HHIP: variants seen among roughly 807,000 people sequenced by gnomAD.
HHIP encodes the protein hedgehog-interacting protein.
In HHIP, 12 loss-of-function variants were observed where a neutral mutation model predicts 74.0. The observed-to-expected ratio is 0.16, with a 90% CI of 0.10 to 0.26. The LOEUF is 0.26. Ranked by LOEUF, HHIP falls within the 10% of genes least tolerant of loss-of-function variation. The pLI is 1.00. For missense variants in HHIP, 788 were observed against 845.0 expected (o/e 0.93, Z 0.84); for synonymous variants, 309 against 311.6 (o/e 0.99, Z 0.09).
chr4:144,688,992 C>T (rs1729569716), intron 4 of HHIP, among the ~76,000 whole-genome samples: 1 of 152,144 alleles, frequency 6.6e-6, no homozygotes, highest in Non-Finnish European at 1.5e-5. Flanking sequence ...GACACTGAAA[C>T]CATTTCAGTC....
Position 144,738,203 on chromosome 4 carries a change from T to C in HHIP, c.*246T>C. 9.3e-7 allele frequency: 1 copy of C among 1,079,528 alleles called. No homozygotes were observed. The highest frequency in any genetic ancestry group is 1.1e-6 in the Non-Finnish European group (1 of 889,800). The allele number at this position is 1,079,528 out of a possible 1,614,324, so 66.9% of individuals were successfully genotyped here. On this transcript the variant is annotated 3_prime_UTR_variant, in exon 13 of 13. Coordinates refer to ENST00000296575, the MANE Select transcript of HHIP (RefSeq NM_022475.3). ...ATAACAGATGATTTTTTAAAATATATACTTCCTTATGCAAAGTAATTTACA... is the reference window on the plus strand; with the variant it reads ...ATAACAGATGATTTTTTAAAATATACACTTCCTTATGCAAAGTAATTTACA...
At chr4:144,720,648 G>A (rs1287247631) in intron 11 of HHIP, among the ~76,000 whole-genome samples, 1 of 152,030 alleles carries the variant, frequency 6.6e-6, no homozygotes, top group Non-Finnish European at 1.5e-5. Flanking sequence ...TATGGTGCCT[G>A]TTTCTGGTGA....
At position 144,733,819 on chromosome 4, in the gene HHIP, C is replaced by T. The variant is rs137874231; in HGVS notation, c.1761-922C>T. Among the ~76,000 whole-genome samples the T allele has an allele frequency of 2.2e-3, 335 of 152,188 alleles. 3 individuals are homozygous for T. Among genetic ancestry groups the T allele is most frequent in the African/African-American group, 7.7e-3 (319 of 41,522 alleles). The stretch of plus-strand genomic sequence containing the variant: ...AGATTAGGTAATGAGCAGTTGTGAC[C>T]ATGACTCCAGCCTGACCCAGCTCAA... On this transcript the variant is annotated intron_variant, in intron 11 of 12. Transcript: ENST00000296575.
intron 7 of HHIP, among the ~76,000 whole-genome samples, chr4:144,709,522 C>T (rs973762089): frequency 2.0e-5 from 3 of 152,192 alleles, no homozygotes; most frequent in Admixed American, 2.0e-4. Context: ...CGGAGCCTCC[C>T]CACCTCTGGT....
chr4:144,668,468 G>A (rs780733708), intron 4 of HHIP, among the ~76,000 whole-genome samples: 2 of 151,190 alleles, frequency 1.3e-5, no homozygotes, highest in African/African-American at 4.9e-5. Context: ...GAATACATAA[G>A]TGGGGCCGCT....
chr4:144,648,986 G>A (rs1401758368), intron 1 of HHIP, among the ~76,000 whole-genome samples: 2 of 152,030 alleles, frequency 1.3e-5, no homozygotes, highest in Non-Finnish European at 2.9e-5. Context: ...TATTACAAGA[G>A]GTTTATAAAT....
At chr4:144,714,767 TATA>T (rs1416485339) in intron 9 of HHIP, among the ~76,000 whole-genome samples, 10 of 152,210 alleles carry the variant, frequency 6.6e-5, no homozygotes, top group Non-Finnish European at 2.9e-5. Context: ...AGCGAGATAA[TATA>T]ATTTGTCTCT....
chr4:144,703,033 A>G (rs1464188422), intron 4 of HHIP, among the ~76,000 whole-genome samples: 1 of 152,150 alleles, frequency 6.6e-6, no homozygotes, highest in East Asian at 1.9e-4. Flanking sequence ...CCTGGCCAAC[A>G]TGGTGAAACC....
chr4:144,678,396 T>A (rs1019428912), intron 4 of HHIP, among the ~76,000 whole-genome samples: 5 of 152,166 alleles, frequency 3.3e-5, no homozygotes, highest in Non-Finnish European at 4.4e-5. Flanking sequence ...TATGACTTTT[T>A]TTATTATTAT....
Position 144,737,750 on chromosome 4 carries a change from T to C in HHIP, c.1910-14T>C. 1 of 1,585,674 alleles carries C rather than the reference T, an allele frequency of 6.3e-7. No individual in the cohort carries two copies. Among genetic ancestry groups the C allele is most frequent in the Non-Finnish European group, 8.6e-7 (1 of 1,163,468 alleles). On this transcript the variant is annotated splice_polypyrimidine_tract_variant and intron_variant, in intron 12 of 12. Coordinates refer to ENST00000296575, the MANE Select transcript of HHIP (RefSeq NM_022475.3). ...GAATGAGAGTGTGATGTTCTTGCTC[T>C]TTTTCTCTCCCAGCAAAATGTGAGC...
chr4:144,671,306 T>C (rs896721643), intron 4 of HHIP, among the ~76,000 whole-genome samples: 3 of 141,590 alleles, frequency 2.1e-5, no homozygotes, highest in African/African-American at 7.9e-5. Context: ...TGTCTCCTCG[T>C]CCAAGGAGGG....
At chr4:144,690,083 C>G (rs1729603949) in intron 4 of HHIP, among the ~76,000 whole-genome samples, 1 of 152,172 alleles carries the variant, frequency 6.6e-6, no homozygotes, top group Non-Finnish European at 1.5e-5. Context: ...ACTGGGATTA[C>G]AGGCGGGTAA....
Position 144,692,403 on chromosome 4 carries a change from C to G in HHIP, c.832-14128C>G, listed in dbSNP as rs962081625. 5.9e-5 allele frequency among the ~76,000 whole-genome samples: 9 copies of G among 152,300 alleles called. No individual in the cohort carries two copies. In the East Asian group the frequency reaches 1.5e-3, roughly 26 times the overall value. ...ATTTCTGTACTCTTCTCTTCCATTT[C>G]TCTTTTTCCCGAAGAATCATACTCA... On this transcript the variant is annotated intron_variant, in intron 4 of 12. Transcript: ENST00000296575.
Position 144,725,663 on chromosome 4 carries a change from C to CGTGT in HHIP, c.1760+6724_1760+6727dup, listed in dbSNP as rs113672793. ...TTTATTCTGTGGGTGTGTGCGCGTG[C>CGTGT]GTGTGTGTGTGTGTGTGTGTTTGAG... On this transcript the variant is annotated intron_variant, in intron 11 of 12. Transcript: ENST00000296575. 3.9e-3 allele frequency among the ~76,000 whole-genome samples: 566 copies of CGTGT among 144,580 alleles called. 7 individuals are homozygous for CGTGT. The highest frequency in any genetic ancestry group is 0.013 in the African/African-American group (522 of 40,050). The allele number at this position is 144,580 out of a possible 152,430, so 94.9% of individuals were successfully genotyped here.
chr4:144,671,312 G>A (rs1300363553), intron 4 of HHIP, among the ~76,000 whole-genome samples: 1 of 126,908 alleles, frequency 7.9e-6, no homozygotes, highest in Non-Finnish European at 1.7e-5. Context: ...CTCGTCCAAG[G>A]AGGGTGTTTT....
In HHIP at chr4:144,662,946, T is replaced by G. The variant is rs17019610; in HGVS notation, c.831+3108T>G. Among the ~76,000 whole-genome samples the G allele has an allele frequency of 5.4e-3, 820 of 152,320 alleles. 8 individuals are homozygous for G. Among genetic ancestry groups the G allele is most frequent in the African/African-American group, 0.019 (799 of 41,568 alleles). Reference sequence around the variant, plus strand: ...GATAGACTAATGCCTCTAATGATACTGTGAAGAATGGCTTCACAGTATAAT... The same window carrying G: ...GATAGACTAATGCCTCTAATGATACGGTGAAGAATGGCTTCACAGTATAAT... On this transcript the variant is annotated intron_variant, in intron 4 of 12. Coordinates refer to ENST00000296575, the MANE Select transcript of HHIP (RefSeq NM_022475.3).
chr4:144,722,452 TTG>T (rs1730664437), intron 11 of HHIP, among the ~76,000 whole-genome samples: 1 of 152,224 alleles, frequency 6.6e-6, no homozygotes, highest in Non-Finnish European at 1.5e-5. Context: ...TTAGTAATTT[TTG>T]TGTGTTTATT....
intron 4 of HHIP, among the ~76,000 whole-genome samples, chr4:144,668,403 G>C (rs1425568644): frequency 6.6e-6 from 1 of 151,948 alleles, no homozygotes; most frequent in African/African-American, 2.4e-5. Flanking sequence ...AATCTTTAAA[G>C]AGCAACAGTA....
At chr4:144,663,908 G>A (rs1728784959) in intron 4 of HHIP, among the ~76,000 whole-genome samples, 2 of 152,210 alleles carry the variant, frequency 1.3e-5, no homozygotes, top group South Asian at 4.1e-4. Context: ...TGACTGCCAA[G>A]AATGTGAAAG....
Sources: gnomAD v4.1 joint callset for allele counts (sites outside exome capture counted in the v4.1 genomes callset) on GRCh38, gnomAD v4.1.1 for gene constraint, MANE v1.5 for transcripts, NCBI Gene and HGNC (gene_info 2026-07-23, HGNC 2026-07-21) for gene names.